The following BTBD8 variants were observed in gnomAD, a reference collection of about 807,000 sequenced individuals.
BTBD8 encodes the protein BTB domain containing 8.
A neutral mutation model predicts 162.9 loss-of-function variants in BTBD8; 110 were observed. That is an observed-to-expected ratio of 0.68 (90% CI 0.58 to 0.79). The LOEUF (loss-of-function observed/expected upper bound fraction) is 0.79, where lower values mean the gene tolerates loss of function less well. BTBD8 is among the 30% of genes least tolerant of loss of function. The pLI is 0.00. For synonymous variants in BTBD8, 667 were observed against 716.1 expected, an observed-to-expected ratio of 0.93 and a Z score of 1.10; for missense variants, 1,905 against 2,085.4, an observed-to-expected ratio of 0.91 and a Z score of 1.68.
At chr1:92,110,531 A>G (rs145842495) in intron 4 of BTBD8, among the ~76,000 whole-genome samples, 2 of 152,038 alleles carry the variant, frequency 1.3e-5, no homozygotes, top group Non-Finnish European at 2.9e-5. Flanking sequence ...ACTGCACATT[A>G]CCCCTTGTTG....
chr1:92,111,723 A>C (rs1422253732), intron 4 of BTBD8, among the ~76,000 whole-genome samples: 1 of 152,256 alleles, frequency 6.6e-6, no homozygotes, highest in African/African-American at 2.4e-5. Flanking sequence ...AGCACTTAGC[A>C]TAGTACCTGG....
intron 7 of BTBD8, among the ~76,000 whole-genome samples, chr1:92,143,035 A>G (rs1242334084): frequency 6.6e-6 from 1 of 152,244 alleles, no homozygotes; most frequent in Non-Finnish European, 1.5e-5. Context: ...TAAATCAGAT[A>G]CAATGAAAAG....
chr1:92,140,567 A>T (rs1216315278), intron 6 of BTBD8, among the ~76,000 whole-genome samples: 1 of 152,204 alleles, frequency 6.6e-6, no homozygotes, highest in African/African-American at 2.4e-5. Context: ...GGCAACCTAT[A>T]CAAAATTTTG....
rs1376928161 is a variant in BTBD8 at position 92,147,183 on chromosome 1, G to A, written c.934G>A (p.Val312Ile). 4 of 1,600,226 alleles carry A rather than the reference G, an allele frequency of 2.5e-6. No individual in the cohort carries two copies. Among genetic ancestry groups the A allele is most frequent in the Non-Finnish European group, 2.6e-6 (3 of 1,173,516 alleles). The change falls in exon 8 of 18, where the codon GTT (valine) becomes ATT (isoleucine). Residue 312 changes from valine (V) to isoleucine (I), a missense_variant. Transcript: ENST00000636805. ...TGGTGTTTTCCATCAATTTTAGCCT[G>A]TTCCCAGAACATTGACGTCTATACT... is the stretch of plus-strand genomic sequence containing the variant. ...RDYCNFFQKP[V>I]PRTLTSILEC...
chr1:92,096,551 CTTT>C (rs1184914140), intron 2 of BTBD8, among the ~76,000 whole-genome samples: 1 of 139,146 alleles, frequency 7.2e-6, no homozygotes, highest in Non-Finnish European at 1.6e-5. Context: ...CCTATATTTC[CTTT>C]TTTTTTTTTT....
intron 5 of BTBD8, among the ~76,000 whole-genome samples, chr1:92,133,969 C>CAA (rs11401420): frequency 7.0e-4 from 98 of 140,964 alleles, no homozygotes; most frequent in East Asian, 1.4e-3. Context: ...GACTCTGTCT[C>CAA]AAAAAAAAAA....
Position 92,176,999 on chromosome 1 carries a change from GAAGC to G in BTBD8, c.1810_1813del (p.Gln604MetfsTer3). The stretch of plus-strand genomic sequence containing the variant: ...ATAGAAATAGTATAAATAAAACTCT[GAAGC>G]AAGATGATGTAAAGGAAAAAGATGG... On this transcript the variant is annotated frameshift_variant, in exon 14 of 18. Transcript: ENST00000636805. LOFTEE classifies it high-confidence loss of function. 1.3e-6 allele frequency: 2 copies of G among 1,547,864 alleles called. No individual in the cohort carries two copies. The highest frequency in any genetic ancestry group is 1.7e-6 in the Non-Finnish European group (2 of 1,145,646).
At chr1:92,139,613 A>G in intron 6 of BTBD8, 183 bp downstream of exon 6, 1 of 1,192,112 alleles carries the variant, frequency 8.4e-7, no homozygotes, top group Non-Finnish European at 1.1e-6. Context: ...AGAAAAGGTG[A>G]CTTATCAACT....
At chr1:92,080,776 C>T (rs1384518588) in intron 1 of BTBD8, 56 bp downstream of exon 1, 10 of 1,558,130 alleles carry the variant, frequency 6.4e-6, no homozygotes, top group Non-Finnish European at 8.7e-6. Flanking sequence ...CACCTCCGCC[C>T]CGAAGCTGAG....
At chr1:92,113,938 G>C (rs1486122150) in intron 4 of BTBD8, among the ~76,000 whole-genome samples, 1 of 150,096 alleles carries the variant, frequency 6.7e-6, no homozygotes, top group Non-Finnish European at 1.5e-5. Flanking sequence ...CTTGAATCCA[G>C]GAGGCGGAGG....
At chr1:92,105,454 C>G (rs1165011481) in intron 3 of BTBD8, among the ~76,000 whole-genome samples, 2 of 151,892 alleles carry the variant, frequency 1.3e-5, no homozygotes, top group East Asian at 3.9e-4. Context: ...GGTTTCCCTG[C>G]GTTGCCCAGG....
intron 7 of BTBD8, among the ~76,000 whole-genome samples, chr1:92,143,179 G>A (rs1649817550): frequency 6.6e-6 from 1 of 152,114 alleles, no homozygotes; most frequent in Admixed American, 6.5e-5. Context: ...GCATTCGTTG[G>A]GAAAATAAAA....
At chr1:92,100,640 C>A (rs1648565957) in intron 2 of BTBD8, among the ~76,000 whole-genome samples, 1 of 151,946 alleles carries the variant, frequency 6.6e-6, no homozygotes, top group Non-Finnish European at 1.5e-5. Context: ...GATGGAGTCT[C>A]ACACTGTCAC....
chr1:92,081,853 C>A (rs1457519227), intron 1 of BTBD8, among the ~76,000 whole-genome samples: 1 of 152,174 alleles, frequency 6.6e-6, no homozygotes, highest in South Asian at 2.1e-4. Flanking sequence ...GGATTACAGG[C>A]GTGAGCCACT....
At chr1:92,183,155 A>T (rs144276229) in intron 17 of BTBD8, among the ~76,000 whole-genome samples, 10 of 152,264 alleles carry the variant, frequency 6.6e-5, no homozygotes, top group Non-Finnish European at 1.0e-4. Flanking sequence ...TTTAGAAGCA[A>T]TGATAATATA....
At chr1:92,143,510 T>C (rs1046923571) in intron 7 of BTBD8, among the ~76,000 whole-genome samples, 1 of 152,152 alleles carries the variant, frequency 6.6e-6, no homozygotes, top group Non-Finnish European at 1.5e-5. Flanking sequence ...TATTTACGTA[T>C]GTATTTATTT....
At chr1:92,104,534 T>C (rs1477530319) in intron 3 of BTBD8, among the ~76,000 whole-genome samples, 1 of 152,174 alleles carries the variant, frequency 6.6e-6, no homozygotes, top group Non-Finnish European at 1.5e-5. Context: ...GTTTTCTTAC[T>C]CTAGTCTAGA....
intron 5 of BTBD8, 140 bp downstream of exon 5, chr1:92,129,916 A>G (rs1649468728): frequency 1.3e-6 from 1 of 744,586 alleles, no homozygotes; most frequent in Non-Finnish European, 2.3e-6. Context: ...ACATTTTCTG[A>G]AACGGGAAGT....
At chr1:92,089,537 T>C (rs1233845660) in intron 2 of BTBD8, among the ~76,000 whole-genome samples, 44 of 152,208 alleles carry the variant, frequency 2.9e-4, no homozygotes, top group Admixed American at 2.9e-3. Context: ...AATAGAAATG[T>C]ATTGATCACA....
Sources: allele counts gnomAD v4.1 joint callset (sites outside exome capture counted in the v4.1 genomes callset), GRCh38; gene constraint gnomAD v4.1.1; transcripts MANE v1.5; gene names NCBI Gene and HGNC (gene_info 2026-07-23, HGNC 2026-07-21).